STT3B: variants seen among roughly 807,000 people sequenced by gnomAD.
The protein encoded by STT3B is STT3 oligosaccharyltransferase complex catalytic subunit B.
In STT3B, 29 loss-of-function variants were observed where a neutral mutation model predicts 96.8. That is an observed-to-expected ratio of 0.30 (90% CI 0.22 to 0.41). STT3B has a LOEUF of 0.41. Ranked by LOEUF, STT3B falls within the 10% of genes least tolerant of loss-of-function variation. The pLI, the probability that STT3B is intolerant of heterozygous loss-of-function variation, is 1.00. For synonymous variants in STT3B, 367 were observed against 360.0 expected, an observed-to-expected ratio of 1.02 and a Z score of -0.22; for missense variants, 640 against 1,022.3, an observed-to-expected ratio of 0.63 and a Z score of 5.10.
At chr3:31,553,716 A>T (rs1697626954) in intron 1 of STT3B, among the ~76,000 whole-genome samples, 1 of 152,190 alleles carries the variant, frequency 6.6e-6, no homozygotes, top group African/African-American at 2.4e-5. Flanking sequence ...CATCTAAATT[A>T]TACTTTAGAT....
chr3:31,629,861 T>C (rs62234757), intron 14 of STT3B, among the ~76,000 whole-genome samples: 6,221 of 152,320 alleles, frequency 0.041, 176 homozygotes, highest in Non-Finnish European at 0.059. Flanking sequence ...TAGAGCTGCC[T>C]GGGTCAGAGT....
chr3:31,541,557 A>G (rs990602670), intron 1 of STT3B, among the ~76,000 whole-genome samples: 1 of 149,452 alleles, frequency 6.7e-6, no homozygotes, highest in African/African-American at 2.5e-5. Context: ...CGTAAGTAAT[A>G]AAGTTCAGCA....
At chr3:31,548,143 G>A (rs577652801) in intron 1 of STT3B, among the ~76,000 whole-genome samples, 6 of 152,036 alleles carry the variant, frequency 3.9e-5, no homozygotes, top group South Asian at 2.1e-4. Context: ...TTCCTGCCCC[G>A]AATTCTTCCA....
At chr3:31,614,967 T>A (rs1264508001) in intron 5 of STT3B, 138 bp from the exon 6 acceptor site, 2 of 503,746 alleles carry the variant, frequency 4.0e-6, no homozygotes, top group East Asian at 6.7e-5. Flanking sequence ...CAAATGGACA[T>A]CTAATAAAAG....
At position 31,637,430 on chromosome 3, in the gene STT3B, T is replaced by C. The variant is rs934939559; in HGVS notation, c.*1366T>C. 1.3e-5 allele frequency: 2 copies of C among 152,188 alleles called. No individual in the cohort carries two copies. The highest frequency in any genetic ancestry group is 2.9e-5 in the Non-Finnish European group (2 of 67,998). The allele number at this position is 152,188 out of a possible 1,614,324, so 9.4% of individuals were successfully genotyped here. On this transcript the variant is annotated 3_prime_UTR_variant, in exon 16 of 16. Coordinates refer to ENST00000295770, the MANE Select transcript of STT3B (RefSeq NM_178862.3). ...AATATTCTTTGATTTATAGAATTCATTTTTGACCCAGATGATGGTTCCTTT... is the reference window on the plus strand; with the variant it reads ...AATATTCTTTGATTTATAGAATTCACTTTTGACCCAGATGATGGTTCCTTT...
intron 1 of STT3B, among the ~76,000 whole-genome samples, chr3:31,552,417 CA>C (rs1322091529): frequency 2.6e-5 from 4 of 152,154 alleles, no homozygotes; most frequent in South Asian, 2.1e-4. Context: ...GAACATGATA[CA>C]ATGAGAGCTT....
intron 5 of STT3B, among the ~76,000 whole-genome samples, chr3:31,609,256 A>G (rs1699130076): frequency 6.6e-6 from 1 of 152,090 alleles, no homozygotes; most frequent in Non-Finnish European, 1.5e-5. Flanking sequence ...TTATGAGTGA[A>G]TTAAATTTGC....
At chr3:31,621,952 G>T (rs1699438891) in intron 9 of STT3B, 145 bp from the exon 10 acceptor site, 3 of 625,472 alleles carry the variant, frequency 4.8e-6, no homozygotes, top group East Asian at 2.7e-5. Flanking sequence ...TTAATCAGTT[G>T]TTCAGTAGTA....
At chr3:31,626,343 A>AG (rs1699537887) in intron 13 of STT3B, among the ~76,000 whole-genome samples, 1 of 152,190 alleles carries the variant, frequency 6.6e-6, no homozygotes, top group South Asian at 2.1e-4. Context: ...TTCCCTATGA[A>AG]GCAGTCCCTT....
intron 1 of STT3B, among the ~76,000 whole-genome samples, chr3:31,545,759 G>A (rs570981869): frequency 1.3e-5 from 2 of 151,392 alleles, no homozygotes; most frequent in South Asian, 2.1e-4. Context: ...AGCCCAGAGC[G>A]GCTTTGAATG....
intron 5 of STT3B, among the ~76,000 whole-genome samples, chr3:31,612,395 T>G (rs1699202361): frequency 6.6e-6 from 1 of 152,202 alleles, no homozygotes; most frequent in Non-Finnish European, 1.5e-5. Flanking sequence ...GTTTATCAGA[T>G]TTGTACCATT....
intron 1 of STT3B, among the ~76,000 whole-genome samples, chr3:31,557,818 G>A (rs958781800): frequency 3.3e-5 from 5 of 152,076 alleles, no homozygotes; most frequent in Non-Finnish European, 5.9e-5. Flanking sequence ...ATTTTTAGTA[G>A]AGACAGGGTT....
At chr3:31,596,491 G>T (rs1698794933) in intron 3 of STT3B, among the ~76,000 whole-genome samples, 1 of 152,118 alleles carries the variant, frequency 6.6e-6, no homozygotes. Flanking sequence ...GTGGCATGGT[G>T]TGTGGATATC....
rs1699756355 is a variant in STT3B, at chr3:31,636,427, T to TG, written c.*364dup. Reference sequence around the variant, plus strand: ...AATGTTTTTATTCTTTTACAAGACCTGCATTTTATTTGAATTACCCGAATA... The same window carrying TG: ...AATGTTTTTATTCTTTTACAAGACCTGGCATTTTATTTGAATTACCCGAATA... On this transcript the variant is annotated 3_prime_UTR_variant, in exon 16 of 16. Coordinates refer to ENST00000295770, the MANE Select transcript of STT3B (RefSeq NM_178862.3). The TG allele has an allele frequency of 6.0e-6, 1 of 165,934 alleles. No individual in the cohort carries two copies. The highest frequency in any genetic ancestry group is 2.0e-4 in the South Asian group (1 of 4,972). The allele number at this position is 165,934 out of a possible 1,614,324, so 10.3% of individuals were successfully genotyped here.
intron 4 of STT3B, among the ~76,000 whole-genome samples, chr3:31,597,269 C>G (rs963471129): frequency 6.6e-6 from 1 of 152,108 alleles, no homozygotes; most frequent in African/African-American, 2.4e-5. Context: ...AAGCAATTCT[C>G]CTGCCTCAGC....
intron 9 of STT3B, among the ~76,000 whole-genome samples, chr3:31,620,755 C>T (rs528014186): frequency 6.6e-5 from 10 of 152,108 alleles, no homozygotes; most frequent in Non-Finnish European, 1.3e-4. Flanking sequence ...AACTTTATCA[C>T]GTGCACAGGA....
At chr3:31,541,941 C>T (rs988298982) in intron 1 of STT3B, among the ~76,000 whole-genome samples, 14 of 152,154 alleles carry the variant, frequency 9.2e-5, no homozygotes, top group Middle Eastern at 3.4e-3. Context: ...TCTTTTATAG[C>T]GGGAGGTGCC....
chr3:31,607,149 C>T (rs1699070530), intron 5 of STT3B, among the ~76,000 whole-genome samples: 1 of 152,200 alleles, frequency 6.6e-6, no homozygotes, highest in Non-Finnish European at 1.5e-5. Context: ...TTTGATTTTA[C>T]AGGCTCATAG....
chr3:31,547,976 A>C (rs747842961), intron 1 of STT3B, among the ~76,000 whole-genome samples: 1 of 152,206 alleles, frequency 6.6e-6, no homozygotes, highest in African/African-American at 2.4e-5. Context: ...AGTGGAAATA[A>C]TAATACTTAG....
Sources: gnomAD v4.1 joint callset for allele counts (sites outside exome capture counted in the v4.1 genomes callset) on GRCh38, gnomAD v4.1.1 for gene constraint, MANE v1.5 for transcripts, NCBI Gene and HGNC (gene_info 2026-07-23, HGNC 2026-07-21) for gene names.